Variants in SPATA13 observed in about 807,000 individuals in gnomAD.
SPATA13 encodes the protein spermatogenesis associated 13.
Under a neutral mutation model 104.0 loss-of-function variants are expected in SPATA13, and 50 were observed. The ratio of observed to expected loss-of-function variants is 0.48; its 90% CI spans 0.38 to 0.61. The LOEUF is 0.61. Ranked by LOEUF, SPATA13 falls within the 20% of genes least tolerant of loss-of-function variation. The pLI is 0.00. For missense variants in SPATA13, 1,524 were observed against 1,690.6 expected (o/e 0.90, Z 1.73); for synonymous variants, 606 against 667.5 (o/e 0.91, Z 1.42).
At chr13:24,030,412 A>G (rs1877426626) in intron 3 of SPATA13, among the ~76,000 whole-genome samples, 1 of 152,136 alleles carries the variant, frequency 6.6e-6, no homozygotes, top group Admixed American at 6.5e-5. Context: ...TTTCCTGTCA[A>G]TGGTTTCAGT....
chr13:24,211,912 G>A (rs1426458057), intron 1 of SPATA13, among the ~76,000 whole-genome samples: 1 of 152,178 alleles, frequency 6.6e-6, no homozygotes, highest in Non-Finnish European at 1.5e-5. Flanking sequence ...GAGCATCCGT[G>A]TGTCGGCTGA....
At chr13:24,287,762 G>T (rs2138739789) in intron 7 of SPATA13, among the ~76,000 whole-genome samples, 1 of 152,326 alleles carries the variant, frequency 6.6e-6, no homozygotes, top group African/African-American at 2.4e-5. Context: ...TGATTTCAGA[G>T]AACTTGTCAT....
intron 2 of SPATA13, among the ~76,000 whole-genome samples, chr13:24,228,943 A>T (rs1449668679): frequency 1.3e-5 from 2 of 152,232 alleles, no homozygotes; most frequent in Non-Finnish European, 1.5e-5. Context: ...GTCTAACAAG[A>T]TTGTGTATTG....
rs562197913 is a variant in SPATA13 at position 24,097,923 on chromosome 13, C to T, written c.-112+80222C>T. 2.0e-5 allele frequency among the ~76,000 whole-genome samples: 3 copies of T among 152,256 alleles called. No individual in the cohort carries two copies. In the South Asian group the frequency reaches 6.2e-4, roughly 32 times the overall value. On this transcript the variant is annotated intron_variant, in intron 3 of 14. Coordinates refer to the SPATA13 transcript ENST00000424834. ...AGACAACCATGGGAGATGACAGAGT[C>T]AGGAAGTTTCAGAATAAGCCACTGT... is the stretch of plus-strand genomic sequence containing the variant.
chr13:24,101,256 C>G (rs956412748), intron 3 of SPATA13, among the ~76,000 whole-genome samples: 1 of 152,156 alleles, frequency 6.6e-6, no homozygotes, highest in Non-Finnish European at 1.5e-5. Flanking sequence ...CAAAACTTTT[C>G]TTAAAGTCCG....
intron 4 of SPATA13, among the ~76,000 whole-genome samples, chr13:24,266,526 C>A (rs972197244): frequency 6.6e-6 from 1 of 152,166 alleles, no homozygotes; most frequent in Non-Finnish European, 1.5e-5. Flanking sequence ...CTCAAGTGAT[C>A]CTCCCACCTT....
intron 3 of SPATA13, among the ~76,000 whole-genome samples, chr13:24,062,907 C>G (rs950502089): frequency 5.3e-5 from 8 of 152,140 alleles, no homozygotes; most frequent in African/African-American, 1.9e-4. Context: ...GGATGGCATT[C>G]TGTGGTCATG....
intron 3 of SPATA13, chr13:24,033,434 A>G (rs1441718592): frequency 6.6e-6 from 1 of 152,144 alleles, no homozygotes; most frequent in African/African-American, 2.4e-5. Flanking sequence ...ATTAATGACT[A>G]TGGGAATGCT....
chr13:24,041,280 A>G (rs1000261356), intron 3 of SPATA13, among the ~76,000 whole-genome samples: 3 of 152,222 alleles, frequency 2.0e-5, no homozygotes, highest in Non-Finnish European at 4.4e-5. Flanking sequence ...AGTTATTTGG[A>G]TTTTTAACAA....
Position 24,161,459 on chromosome 13 carries a change from G to A in SPATA13, c.-112+527G>A, listed in dbSNP as rs1357047843. The stretch of plus-strand genomic sequence containing the variant: ...TGGTACCAGCGGAGTCTCGTCCCAG[G>A]GGAAAGATTTTGGGACCCGGTGCCC... On this transcript the variant is annotated intron_variant, in intron 1 of 12. Coordinates refer to ENST00000382108, the MANE Select transcript of SPATA13 (RefSeq NM_001166271.3). The surrounding 1 kb of genome is among the most constrained non-coding windows in gnomAD (Gnocchi z 4.5). Among the ~76,000 whole-genome samples the A allele has an allele frequency of 6.6e-6, 1 of 152,188 alleles. No individual in the cohort carries two copies. Among genetic ancestry groups the A allele is most frequent in the Non-Finnish European group, 1.5e-5 (1 of 68,038 alleles).
At chr13:24,255,006 C>T (rs1017340814) in intron 4 of SPATA13, among the ~76,000 whole-genome samples, 19 of 152,144 alleles carry the variant, frequency 1.2e-4, no homozygotes, top group Non-Finnish European at 2.5e-4. Context: ...GCCAGTTATA[C>T]TCCTTCCCCA....
intron 2 of SPATA13, among the ~76,000 whole-genome samples, chr13:24,244,898 AAAGGG>A (rs1873032819): frequency 1.3e-5 from 2 of 152,214 alleles, no homozygotes; most frequent in African/African-American, 4.8e-5. Context: ...GCAAGAGTTA[AAAGGG>A]CAGCAATTCC....
chr13:24,062,184 T>C (rs1399261619), intron 3 of SPATA13, among the ~76,000 whole-genome samples: 1 of 152,266 alleles, frequency 6.6e-6, no homozygotes, highest in Non-Finnish European at 1.5e-5. Flanking sequence ...TGACCTCTGG[T>C]ACAGTGTGGC....
At chr13:24,123,680 G>C in intron 3 of SPATA13, 1 of 1,585,660 alleles carries the variant, frequency 6.3e-7, no homozygotes, top group South Asian at 1.1e-5. Flanking sequence ...ATATATATTC[G>C]TAAGGGTCTT....
chr13:24,220,114 G>A (rs1026758657), intron 1 of SPATA13, among the ~76,000 whole-genome samples: 1 of 152,054 alleles, frequency 6.6e-6, no homozygotes, highest in African/African-American at 2.4e-5. Flanking sequence ...CCGCACAGAC[G>A]CTTGTACCCA....
intron 1 of SPATA13, among the ~76,000 whole-genome samples, chr13:24,162,226 T>C (rs1397238866): frequency 6.6e-6 from 1 of 152,270 alleles, no homozygotes; most frequent in East Asian, 1.9e-4. Context: ...TCCTTATTTG[T>C]GCTCCCGTGC....
At chr13:24,253,998 G>A (rs1404596944) in intron 4 of SPATA13, among the ~76,000 whole-genome samples, 3 of 152,080 alleles carry the variant, frequency 2.0e-5, no homozygotes, top group East Asian at 1.9e-4. Context: ...ATTATGTTCC[G>A]GTTTATGCTT....
intron 1 of SPATA13, among the ~76,000 whole-genome samples, chr13:24,204,835 T>C (rs1026425323): frequency 1.3e-5 from 2 of 152,236 alleles, no homozygotes; most frequent in Non-Finnish European, 2.9e-5. Flanking sequence ...CACATTTTCC[T>C]TATCCATTTA....
chr13:24,268,539 A>C (rs771751806), intron 4 of SPATA13, among the ~76,000 whole-genome samples: 7 of 152,078 alleles, frequency 4.6e-5, no homozygotes, highest in Admixed American at 2.6e-4. Context: ...TGGGCAGACC[A>C]CCTGAGGTCA....
Sources: allele counts gnomAD v4.1 joint callset (sites outside exome capture counted in the v4.1 genomes callset), GRCh38; gene constraint gnomAD v4.1.1; non-coding constraint Gnocchi (gnomAD v3.1); transcripts MANE v1.5; gene names NCBI Gene and HGNC (gene_info 2026-07-23, HGNC 2026-07-21).